Variants in FOXJ3 observed in about 807,000 individuals in gnomAD.
FOXJ3 encodes forkhead box protein J3.
A neutral mutation model predicts 76.1 loss-of-function variants in FOXJ3; 22 were observed. That is an observed-to-expected ratio of 0.29 (90% CI 0.21 to 0.41). The LOEUF is 0.41. FOXJ3 is among the 10% of genes least tolerant of loss of function. FOXJ3 has a pLI of 1.00. For synonymous variants in FOXJ3, 269 were observed against 261.2 expected, an observed-to-expected ratio of 1.03 and a Z score of -0.29; for missense variants, 613 against 762.1, an observed-to-expected ratio of 0.80 and a Z score of 2.30.
intron 1 of FOXJ3, among the ~76,000 whole-genome samples, chr1:42,323,188 A>G (rs1473513260): frequency 6.6e-6 from 1 of 152,198 alleles, no homozygotes; most frequent in East Asian, 1.9e-4. Flanking sequence ...TATTTTCCAG[A>G]GGATTTCAAG....
chr1:42,327,261 C>T (rs1314883211), intron 1 of FOXJ3, among the ~76,000 whole-genome samples: 1 of 152,128 alleles, frequency 6.6e-6, no homozygotes. Flanking sequence ...ACAGGGTAGA[C>T]AAGTAAGGTG....
chr1:42,207,661 G>A (rs1055506231), intron 5 of FOXJ3, among the ~76,000 whole-genome samples: 1 of 152,148 alleles, frequency 6.6e-6, no homozygotes, highest in Non-Finnish European at 1.5e-5. Flanking sequence ...TACCAGATGA[G>A]CGAGAGAGCA....
intron 3 of FOXJ3, among the ~76,000 whole-genome samples, chr1:42,267,932 T>G (rs942307404): frequency 6.6e-6 from 1 of 151,938 alleles, no homozygotes; most frequent in Non-Finnish European, 1.5e-5. Flanking sequence ...AAACAGAGAC[T>G]GGCACATTCA....
intron 4 of FOXJ3, among the ~76,000 whole-genome samples, chr1:42,263,934 T>C (rs1294690551): frequency 2.1e-5 from 1 of 47,020 alleles, no homozygotes; most frequent in Non-Finnish European, 5.6e-5. Context: ...GGTTAACTTT[T>C]TTTTTTTTTT....
intron 11 of FOXJ3, among the ~76,000 whole-genome samples, chr1:42,184,447 A>C (rs752091341): frequency 1.6e-4 from 24 of 152,140 alleles, no homozygotes; most frequent in Non-Finnish European, 3.4e-4. Flanking sequence ...TTTTATTTTC[A>C]TATAGAAATT....
intron 4 of FOXJ3, among the ~76,000 whole-genome samples, chr1:42,255,630 A>T (rs1420806834): frequency 6.6e-6 from 1 of 152,240 alleles, no homozygotes; most frequent in East Asian, 1.9e-4. Context: ...ACAATCTAAA[A>T]GCAAAATACT....
At chr1:42,290,162 C>G (rs1323435237) in intron 2 of FOXJ3, among the ~76,000 whole-genome samples, 1 of 151,946 alleles carries the variant, frequency 6.6e-6, no homozygotes, top group Admixed American at 6.6e-5. Context: ...TTTAAAACAA[C>G]AGTTATCAAA....
At position 42,179,611 on chromosome 1, in the gene FOXJ3, T is replaced by C. The variant is rs1646276436; in HGVS notation, c.*99A>G. ...AGTAATTTTGATAACATTGGTAAAG[T>C]GATTAGCAAGTTTGTTTTCTCAACT... is the stretch of plus-strand genomic sequence containing the variant. On this transcript the variant is annotated 3_prime_UTR_variant, in exon 13 of 13. Transcript: ENST00000361346. 1.4e-6 allele frequency: 1 copy of C among 712,958 alleles called. No homozygotes were observed. 44.2% of individuals were successfully genotyped at this position (712,958 alleles called of 1,614,324 possible).
At chr1:42,311,493 G>A (rs183356547) in intron 1 of FOXJ3, among the ~76,000 whole-genome samples, 3 of 152,144 alleles carry the variant, frequency 2.0e-5, no homozygotes, top group African/African-American at 7.2e-5. Context: ...GTGCCCAAAA[G>A]CTACCACAGA....
intron 4 of FOXJ3, among the ~76,000 whole-genome samples, chr1:42,230,072 C>T (rs2124467680): frequency 6.6e-6 from 1 of 152,204 alleles, no homozygotes; most frequent in Admixed American, 6.5e-5. Context: ...ACAAATAAAT[C>T]AACAAAAGGG....
intron 4 of FOXJ3, among the ~76,000 whole-genome samples, chr1:42,230,155 T>C (rs1647955960): frequency 6.6e-6 from 1 of 152,210 alleles, no homozygotes; most frequent in African/African-American, 2.4e-5. Flanking sequence ...CAAATTCTAA[T>C]AATTAAAAAG....
rs536314180 is a variant in FOXJ3 at position 42,302,922 on chromosome 1, C to G, written c.44+8128G>C. 3.3e-5 allele frequency among the ~76,000 whole-genome samples: 5 copies of G among 150,432 alleles called. No homozygotes were observed. The South Asian group carries it at 1.0e-3, about 31-fold the overall frequency. ...TGAAATAAAAAAAAAAACCTCCTGT[C>G]TTTTGCTAACAAAAGAGCAAAATAT... On this transcript the variant is annotated intron_variant, in intron 2 of 12. Coordinates refer to ENST00000361346, the MANE Select transcript of FOXJ3 (RefSeq NM_014947.5).
chr1:42,288,518 G>T (rs537971074), intron 2 of FOXJ3, among the ~76,000 whole-genome samples: 3 of 152,098 alleles, frequency 2.0e-5, no homozygotes, highest in African/African-American at 7.2e-5. Flanking sequence ...GGGCTAACAC[G>T]GTGGAAAGTG....
chr1:42,320,885 C>T (rs1171756288), intron 1 of FOXJ3, among the ~76,000 whole-genome samples: 4 of 152,124 alleles, frequency 2.6e-5, no homozygotes, highest in Non-Finnish European at 4.4e-5. Context: ...TTCCCTGGAT[C>T]CTGTATCTTT....
At chr1:42,328,264 T>C (rs947187176) in intron 1 of FOXJ3, among the ~76,000 whole-genome samples, 1 of 152,140 alleles carries the variant, frequency 6.6e-6, no homozygotes, top group African/African-American at 2.4e-5. Flanking sequence ...GTCACTATAC[T>C]CCAGCCTGGG....
At chr1:42,271,426 C>T (rs1651857227) in intron 3 of FOXJ3, among the ~76,000 whole-genome samples, 1 of 152,016 alleles carries the variant, frequency 6.6e-6, no homozygotes, top group African/African-American at 2.4e-5. Context: ...CAACTATCCC[C>T]TAGGGGTAGT....
intron 2 of FOXJ3, among the ~76,000 whole-genome samples, chr1:42,288,527 T>C (rs975491241): frequency 2.0e-5 from 3 of 152,202 alleles, no homozygotes; most frequent in Admixed American, 1.3e-4. Flanking sequence ...CGGTGGAAAG[T>C]GATCCTGTCT....
chr1:42,198,901 T>C (rs1646704918), intron 7 of FOXJ3, among the ~76,000 whole-genome samples: 2 of 152,154 alleles, frequency 1.3e-5, no homozygotes, highest in Admixed American at 1.3e-4. Context: ...TGCACAACCA[T>C]TTTTTAAAAA....
At chr1:42,288,530 T>A (rs1461946205) in intron 2 of FOXJ3, among the ~76,000 whole-genome samples, 3 of 152,204 alleles carry the variant, frequency 2.0e-5, no homozygotes. Context: ...TGGAAAGTGA[T>A]CCTGTCTTGT....
Sources: allele counts gnomAD v4.1 joint callset (sites outside exome capture counted in the v4.1 genomes callset), GRCh38; gene constraint gnomAD v4.1.1; transcripts MANE v1.5; gene names NCBI Gene and HGNC (gene_info 2026-07-23, HGNC 2026-07-21).